The following TNR variants were observed in gnomAD, a reference collection of about 807,000 sequenced individuals.
TNR encodes tenascin-R.
In TNR, 45 loss-of-function variants were observed where a neutral mutation model predicts 150.4. The observed-to-expected ratio is 0.30, with a 90% CI of 0.24 to 0.38. The LOEUF is 0.38. Ranked by LOEUF, TNR falls within the 10% of genes least tolerant of loss-of-function variation. The pLI is 1.00. For missense variants in TNR, 1,544 were observed against 1,759.1 expected (o/e 0.88, Z 2.19); for synonymous variants, 687 against 678.4 (o/e 1.01, Z -0.20).
At chr1:175,499,549 C>T (rs41419149) in intron 2 of TNR, among the ~76,000 whole-genome samples, 20,947 of 152,176 alleles carry the variant, frequency 0.14, 1,560 homozygotes, top group South Asian at 0.17. Flanking sequence ...AACAATCAGA[C>T]TCTGCACCCT....
At chr1:175,329,232 T>C (rs1028315621) in intron 21 of TNR, among the ~76,000 whole-genome samples, 3 of 152,220 alleles carry the variant, frequency 2.0e-5, no homozygotes, top group African/African-American at 7.2e-5. Context: ...AACCCTAGAA[T>C]TGGTGTTAAT....
intron 2 of TNR, among the ~76,000 whole-genome samples, chr1:175,485,596 ACACT>A (rs907640202): frequency 2.0e-5 from 3 of 152,160 alleles, no homozygotes; most frequent in African/African-American, 4.8e-5. Flanking sequence ...GAATTTAAAG[ACACT>A]CACTCCCAGC....
At chr1:175,463,967 C>T (rs68159154) in intron 2 of TNR, among the ~76,000 whole-genome samples, 8,423 of 152,272 alleles carry the variant, frequency 0.055, 289 homozygotes, top group African/African-American at 0.088. Flanking sequence ...TTCTTTTCTT[C>T]TCTGTTTTAA....
intron 2 of TNR, among the ~76,000 whole-genome samples, chr1:175,507,221 C>A (rs923199990): frequency 7.2e-5 from 11 of 152,220 alleles, no homozygotes; most frequent in Middle Eastern, 6.8e-3. Context: ...GGATACAGGC[C>A]AACGAGGATG....
chr1:175,348,621 T>A (rs1173868318), intron 18 of TNR, among the ~76,000 whole-genome samples: 2 of 152,106 alleles, frequency 1.3e-5, no homozygotes, highest in Non-Finnish European at 2.9e-5. Context: ...CAAACAGAGA[T>A]CCATGTACAT....
chr1:175,507,970 C>A (rs1474626467), intron 2 of TNR, among the ~76,000 whole-genome samples: 1 of 152,190 alleles, frequency 6.6e-6, no homozygotes, highest in African/African-American at 2.4e-5. Context: ...GAATAACCAA[C>A]TATGGTCTTG....
intron 2 of TNR, among the ~76,000 whole-genome samples, chr1:175,461,634 T>C (rs1400629694): frequency 6.6e-6 from 1 of 152,218 alleles, no homozygotes; most frequent in Non-Finnish European, 1.5e-5. Context: ...TGACATCTCT[T>C]GGAAAATCTT....
intron 1 of TNR, among the ~76,000 whole-genome samples, chr1:175,640,794 T>C (rs1393967061): frequency 6.7e-6 from 1 of 148,554 alleles, no homozygotes; most frequent in Non-Finnish European, 1.5e-5. Context: ...TGTGTGGGTA[T>C]ATATATATAT....
chr1:175,436,923 A>T (rs1027489307), intron 2 of TNR, among the ~76,000 whole-genome samples: 8 of 152,180 alleles, frequency 5.3e-5, no homozygotes, highest in African/African-American at 1.7e-4. Context: ...CTCCCACACA[A>T]TAATAATGGG....
chr1:175,331,143 C>CTCTCT (rs869148221), intron 20 of TNR, among the ~76,000 whole-genome samples: 14 of 129,072 alleles, frequency 1.1e-4, no homozygotes, highest in African/African-American at 2.5e-4. Context: ...TTCTTTCTTT[C>CTCTCT]TTCCTTTCTT....
At chr1:175,489,952 C>A (rs1205354422) in intron 2 of TNR, among the ~76,000 whole-genome samples, 1 of 152,150 alleles carries the variant, frequency 6.6e-6, no homozygotes, top group Non-Finnish European at 1.5e-5. Flanking sequence ...CTGGAGGCAT[C>A]ATGTTACCCA....
chr1:175,326,919 G>A (rs1403731748), intron 21 of TNR, among the ~76,000 whole-genome samples: 1 of 151,186 alleles, frequency 6.6e-6, no homozygotes, highest in African/African-American at 2.4e-5. Context: ...GCCCGCCTCG[G>A]CCTCCCAAAG....
intron 1 of TNR, among the ~76,000 whole-genome samples, chr1:175,736,446 G>A (rs944946342): frequency 1.3e-5 from 2 of 152,048 alleles, no homozygotes; most frequent in Non-Finnish European, 2.9e-5. Context: ...GCGTGAACCC[G>A]GGAGGCAGAG....
chr1:175,648,334 G>A (rs1015923556), intron 1 of TNR, among the ~76,000 whole-genome samples: 1 of 152,102 alleles, frequency 6.6e-6, no homozygotes, highest in African/African-American at 2.4e-5. Flanking sequence ...CTGCTTTGCT[G>A]GAATGGGAAG....
intron 1 of TNR, among the ~76,000 whole-genome samples, chr1:175,700,896 C>T (rs1406394475): frequency 6.6e-6 from 1 of 152,230 alleles, no homozygotes; most frequent in Non-Finnish European, 1.5e-5. Flanking sequence ...AACCTTACCT[C>T]ACTCAAAGCC....
At chr1:175,522,438 A>G (rs942472336) in intron 2 of TNR, among the ~76,000 whole-genome samples, 3 of 152,220 alleles carry the variant, frequency 2.0e-5, no homozygotes. Context: ...ATGAAAGACC[A>G]CAAATTGGGT....
intron 1 of TNR, chr1:175,556,930 T>C (rs563634563): frequency 6.6e-6 from 1 of 152,218 alleles, no homozygotes; most frequent in Non-Finnish European, 1.5e-5. Flanking sequence ...ACTTCCATGA[T>C]TATGTTGTGT....
chr1:175,453,371 T>C (rs1038437729), intron 2 of TNR, among the ~76,000 whole-genome samples: 8 of 151,736 alleles, frequency 5.3e-5, no homozygotes, highest in African/African-American at 1.2e-4. Context: ...CCTGGAGCCA[T>C]AGAAAGTTAG....
In TNR at chr1:175,399,122, A is replaced by C. The variant is rs1374864341; in HGVS notation, c.977-2315T>G. Among the ~76,000 whole-genome samples the C allele has an allele frequency of 2.0e-5, 3 of 152,332 alleles. No individual in the cohort carries two copies. The East Asian group carries it at 5.8e-4, about 29-fold the overall frequency. On this transcript the variant is annotated intron_variant, in intron 4 of 22. Transcript: ENST00000367674. The stretch of plus-strand genomic sequence containing the variant: ...TAGGAATAATTCAGACGATCTTAAT[A>C]GGTGTGATCTCTAGACTGGTGCTCA...
Sources: allele counts gnomAD v4.1 joint callset (sites outside exome capture counted in the v4.1 genomes callset), GRCh38; gene constraint gnomAD v4.1.1; transcripts MANE v1.5; gene names NCBI Gene and HGNC (gene_info 2026-07-23, HGNC 2026-07-21).